MACROD2: variants seen among roughly 807,000 people sequenced by gnomAD.
MACROD2 encodes ADP-ribose glycohydrolase MACROD2.
MACROD2 carries 36 observed loss-of-function variants against 70.4 expected under a neutral mutation model. The ratio of observed to expected loss-of-function variants is 0.51; its 90% CI spans 0.39 to 0.68. The LOEUF (loss-of-function observed/expected upper bound fraction) is 0.68. MACROD2 is among the 30% of genes least tolerant of loss of function. The pLI, the probability that MACROD2 is intolerant of heterozygous loss-of-function variation, is 0.00. For synonymous variants in MACROD2, 172 were observed against 178.8 expected (o/e 0.96, Z 0.30); for missense variants, 496 against 538.4 (o/e 0.92, Z 0.78).
At chr20:15,840,897 ATTGT>A (rs1555785786) in intron 8 of MACROD2, among the ~76,000 whole-genome samples, 3 of 152,152 alleles carry the variant, frequency 2.0e-5, no homozygotes, top group Non-Finnish European at 4.4e-5. Flanking sequence ...TCTGAGAGGG[ATTGT>A]TTTTGTCCTT....
intron 5 of MACROD2, among the ~76,000 whole-genome samples, chr20:15,086,877 G>C (rs2075752812): frequency 6.6e-6 from 1 of 152,114 alleles, no homozygotes. Flanking sequence ...GATAATATTT[G>C]TGAGGTTATA....
At chr20:15,737,048 G>T (rs1423309468) in intron 8 of MACROD2, among the ~76,000 whole-genome samples, 1 of 152,194 alleles carries the variant, frequency 6.6e-6, no homozygotes, top group African/African-American at 2.4e-5. Context: ...GGAGAAAGAG[G>T]TGTAGGACTT....
chr20:14,603,931 G>A (rs1982645771), intron 4 of MACROD2, among the ~76,000 whole-genome samples: 1 of 152,050 alleles, frequency 6.6e-6, no homozygotes, highest in Non-Finnish European at 1.5e-5. Context: ...CCGGCCTCCT[G>A]CTACAATTGG....
intron 4 of MACROD2, among the ~76,000 whole-genome samples, chr20:14,562,440 A>T (rs561502096): frequency 6.6e-6 from 1 of 152,080 alleles, no homozygotes; most frequent in Non-Finnish European, 1.5e-5. Flanking sequence ...ACAACCAAAA[A>T]GGTGAGGAGT....
intron 12 of MACROD2, among the ~76,000 whole-genome samples, chr20:15,948,729 T>C (rs1297976727): frequency 6.6e-6 from 1 of 152,186 alleles, no homozygotes; most frequent in Non-Finnish European, 1.5e-5. Flanking sequence ...AAGTGGCAAT[T>C]GGAAGGTAAG....
At chr20:14,017,928 T>C (rs1431710693) in intron 2 of MACROD2, among the ~76,000 whole-genome samples, 1 of 152,176 alleles carries the variant, frequency 6.6e-6, no homozygotes, top group Non-Finnish European at 1.5e-5. Context: ...TCTTGGACTT[T>C]TTGGTTGTTG....
chr20:14,298,629 C>G (rs1042850240), intron 3 of MACROD2, among the ~76,000 whole-genome samples: 4 of 150,984 alleles, frequency 2.6e-5, no homozygotes, highest in Non-Finnish European at 5.9e-5. Context: ...ATAGTGTTTC[C>G]TCTGATGGAT....
intron 5 of MACROD2, among the ~76,000 whole-genome samples, chr20:14,698,415 G>A (rs2071152021): frequency 6.6e-6 from 1 of 152,108 alleles, no homozygotes; most frequent in Admixed American, 6.6e-5. Flanking sequence ...ATGAGTTAAT[G>A]TCTGTGTGGC....
chr20:15,366,189 T>C (rs1386824849), intron 6 of MACROD2, among the ~76,000 whole-genome samples: 5 of 152,198 alleles, frequency 3.3e-5, no homozygotes, highest in Non-Finnish European at 5.9e-5. Context: ...ACTGTGTGTA[T>C]CCAGTGAGGT....
At chr20:14,694,671 AT>A (rs2071101731) in intron 5 of MACROD2, among the ~76,000 whole-genome samples, 1 of 152,184 alleles carries the variant, frequency 6.6e-6, no homozygotes, top group Non-Finnish European at 1.5e-5. Context: ...AATAAACTTT[AT>A]GACAATAATC....
intron 5 of MACROD2, among the ~76,000 whole-genome samples, chr20:15,167,574 C>T (rs750846607): frequency 1.3e-5 from 2 of 152,154 alleles, no homozygotes; most frequent in Non-Finnish European, 2.9e-5. Flanking sequence ...TCTTCAGAGG[C>T]CTCCCCTGCT....
chr20:15,937,589 GA>G (rs1466033811), intron 12 of MACROD2, 45 bp downstream of exon 12: 1 of 1,562,040 alleles, frequency 6.4e-7, no homozygotes, highest in Non-Finnish European at 8.8e-7. Context: ...ACTCTTAAAA[GA>G]GACTGTTTGG....
At chr20:14,837,278 C>T (rs1301111744) in intron 5 of MACROD2, among the ~76,000 whole-genome samples, 2 of 151,848 alleles carry the variant, frequency 1.3e-5, no homozygotes, top group African/African-American at 2.4e-5. Flanking sequence ...CAAAGACAAA[C>T]TTATCATTAG....
intron 4 of MACROD2, among the ~76,000 whole-genome samples, chr20:14,599,116 G>A (rs1197948048): frequency 6.6e-6 from 1 of 152,026 alleles, no homozygotes; most frequent in African/African-American, 2.4e-5. Context: ...CACCCAAGTA[G>A]TTATAAATGT....
chr20:15,419,125 G>A (rs1332214930), intron 6 of MACROD2, among the ~76,000 whole-genome samples: 1 of 152,156 alleles, frequency 6.6e-6, no homozygotes, highest in Non-Finnish European at 1.5e-5. Context: ...ATGTGAAGAA[G>A]TGAGAGTGAA....
At chr20:15,905,288 C>T (rs1393675185) in intron 10 of MACROD2, among the ~76,000 whole-genome samples, 3 of 152,122 alleles carry the variant, frequency 2.0e-5, no homozygotes, top group Non-Finnish European at 4.4e-5. Context: ...CTAGAGGACT[C>T]ATGAAAGGTG....
At chr20:15,247,329 C>T (rs2077114861) in intron 6 of MACROD2, among the ~76,000 whole-genome samples, 2 of 152,096 alleles carry the variant, frequency 1.3e-5, no homozygotes, top group Non-Finnish European at 1.5e-5. Context: ...TGGTGAAGCA[C>T]GTAGGCCTCA....
chr20:15,207,645 G>A (rs1276587742), intron 5 of MACROD2, among the ~76,000 whole-genome samples: 4 of 151,542 alleles, frequency 2.6e-5, no homozygotes, highest in Admixed American at 6.6e-5. Flanking sequence ...GTTTCACCGT[G>A]TTAGCCAGGA....
intron 3 of MACROD2, among the ~76,000 whole-genome samples, chr20:14,465,768 T>G (rs1260221375): frequency 2.6e-5 from 4 of 152,098 alleles, no homozygotes; most frequent in Admixed American, 6.5e-5. Context: ...GTCTGTAAAG[T>G]ATTTTATTTC....
Sources: gnomAD v4.1 joint callset for allele counts (sites outside exome capture counted in the v4.1 genomes callset) on GRCh38, gnomAD v4.1.1 for gene constraint, MANE v1.5 for transcripts, NCBI Gene and HGNC (gene_info 2026-07-23, HGNC 2026-07-21) for gene names.